The following NELL1 variants were observed in gnomAD, a reference collection of about 807,000 sequenced individuals.
NELL1 encodes the protein protein kinase C-binding protein NELL1.
NELL1 carries 76 observed loss-of-function variants against 107.4 expected under a neutral mutation model. The observed-to-expected ratio is 0.71, with a 90% confidence interval of 0.59 to 0.86. The LOEUF is 0.86. Ranked by LOEUF, NELL1 falls within the 40% of genes least tolerant of loss-of-function variation. The pLI is 0.00. For missense variants in NELL1, 1,024 were observed against 1,005.5 expected (o/e 1.02, Z -0.25); for synonymous variants, 353 against 341.2 (o/e 1.03, Z -0.38).
At chr11:20,927,270 G>A (rs1395573357) in intron 7 of NELL1, 38 bp from the exon 8 acceptor site, 7 of 1,577,400 alleles carry the variant, frequency 4.4e-6, no homozygotes, top group Non-Finnish European at 6.0e-6. Context: ...TGATGCAATT[G>A]AATTACAGAA....
chr11:20,741,296 A>T (rs955849), intron 2 of NELL1, among the ~76,000 whole-genome samples: 96,549 of 151,754 alleles, frequency 0.64, 30,932 homozygotes, highest in Middle Eastern at 0.75. Flanking sequence ...AATACAGACC[A>T]TTTAGCTTTC....
At chr11:20,814,140 C>G (rs574168289) in intron 3 of NELL1, among the ~76,000 whole-genome samples, 9 of 151,660 alleles carry the variant, frequency 5.9e-5, no homozygotes, top group East Asian at 1.9e-4. Context: ...GGACTACAGG[C>G]GCACACCGCC....
chr11:21,041,309 G>A (rs10833434), intron 12 of NELL1, among the ~76,000 whole-genome samples: 33,295 of 152,098 alleles, frequency 0.22, 3,605 homozygotes, highest in South Asian at 0.34. Context: ...ACACAACATA[G>A]TTAATTGTTA....
At chr11:21,270,588 A>G (rs1296545535) in intron 14 of NELL1, among the ~76,000 whole-genome samples, 1 of 152,136 alleles carries the variant, frequency 6.6e-6, no homozygotes, top group Non-Finnish European at 1.5e-5. Flanking sequence ...ATAGTTTGAC[A>G]ATTAGACACT....
chr11:21,370,706 T>C, intron 14 of NELL1, 147 bp from the exon 15 acceptor site: 1 of 599,546 alleles, frequency 1.7e-6, no homozygotes, highest in Non-Finnish European at 2.9e-6. Context: ...CATTTATTTC[T>C]TTTTCTGTAT....
chr11:21,425,371 CT>C (rs1275070661), intron 15 of NELL1, among the ~76,000 whole-genome samples: 1 of 152,110 alleles, frequency 6.6e-6, no homozygotes, highest in African/African-American at 2.4e-5. Context: ...CCCAAATGTC[CT>C]CAAACCTGTG....
intron 1 of NELL1, among the ~76,000 whole-genome samples, chr11:20,673,841 C>T (rs1283631833): frequency 1.6e-5 from 2 of 121,832 alleles, no homozygotes; most frequent in Non-Finnish European, 3.3e-5. Flanking sequence ...AGAAACAATA[C>T]ATTTTTTTTT....
intron 2 of NELL1, among the ~76,000 whole-genome samples, chr11:20,723,422 C>A (rs1344056116): frequency 1.3e-5 from 2 of 152,286 alleles, no homozygotes; most frequent in African/African-American, 4.8e-5. Context: ...GGGCCACAGG[C>A]CTCCTCCAAG....
At chr11:21,535,223 A>G (rs1223466102) in intron 16 of NELL1, among the ~76,000 whole-genome samples, 1 of 152,072 alleles carries the variant, frequency 6.6e-6, no homozygotes, top group Non-Finnish European at 1.5e-5. Context: ...ATGAAATCCG[A>G]ACAACTGATC....
chr11:21,503,788 A>G (rs1314671317), intron 15 of NELL1, among the ~76,000 whole-genome samples: 1 of 152,030 alleles, frequency 6.6e-6, no homozygotes, highest in Non-Finnish European at 1.5e-5. Context: ...CTGAGTCTCC[A>G]TATACTATTC....
Position 20,766,445 on chromosome 11 carries a change from C to A in NELL1, c.185-17235C>A, listed in dbSNP as rs141253822. ...GGCGTGGCAAGGTTTTCCCCACCAA[C>A]TGGCTTTTAGCCACATATTTTATGT... On this transcript the variant is annotated intron_variant, in intron 2 of 19. Transcript: ENST00000357134. Among the ~76,000 whole-genome samples, 25 of 152,320 alleles carry A rather than the reference C, an allele frequency of 1.6e-4. No homozygotes were observed. The East Asian group carries it at 4.4e-3, about 27-fold the overall frequency.
intron 15 of NELL1, among the ~76,000 whole-genome samples, chr11:21,463,918 C>A (rs1386386147): frequency 6.6e-6 from 1 of 152,072 alleles, no homozygotes. Context: ...TTTACTAACA[C>A]ATCTGAAAAC....
intron 2 of NELL1, among the ~76,000 whole-genome samples, chr11:20,716,883 T>A (rs914373804): frequency 2.6e-5 from 4 of 151,952 alleles, no homozygotes; most frequent in Non-Finnish European, 5.9e-5. Context: ...TGTTGCCTTA[T>A]GCGGTTTACA....
Position 20,705,407 on chromosome 11 carries a change from G to A in NELL1, c.184+27347G>A, listed in dbSNP as rs1166681134. 9.9e-3 allele frequency among the ~76,000 whole-genome samples: 1,505 copies of A among 151,644 alleles called. 24 individuals carry two copies. The highest frequency in any genetic ancestry group is 0.031 in the African/African-American group (1,265 of 41,120). ...TTTGACAAACCTGACAAAAACAAGCGATGGGGAAAGGATTCCCTATTTAAT... is the reference window on the plus strand; with the variant it reads ...TTTGACAAACCTGACAAAAACAAGCAATGGGGAAAGGATTCCCTATTTAAT... On this transcript the variant is annotated intron_variant, in intron 2 of 19. Transcript: ENST00000357134.
intron 3 of NELL1, among the ~76,000 whole-genome samples, chr11:20,797,422 T>C (rs1464029501): frequency 6.6e-6 from 1 of 151,402 alleles, no homozygotes; most frequent in African/African-American, 2.4e-5. Flanking sequence ...AAAAATTAGG[T>C]GGGCGTGGTG....
At chr11:21,541,006 A>G (rs1856279506) in intron 16 of NELL1, among the ~76,000 whole-genome samples, 1 of 152,122 alleles carries the variant, frequency 6.6e-6, no homozygotes, top group Non-Finnish European at 1.5e-5. Context: ...CCATTCTTTT[A>G]TAGACTTTAG....
intron 12 of NELL1, among the ~76,000 whole-genome samples, chr11:21,008,132 A>G (rs1234363957): frequency 6.6e-6 from 1 of 152,158 alleles, no homozygotes; most frequent in African/African-American, 2.4e-5. Flanking sequence ...TACAATAATT[A>G]TATCTCTGAA....
At chr11:21,485,895 C>A (rs1022079505) in intron 15 of NELL1, among the ~76,000 whole-genome samples, 2 of 152,026 alleles carry the variant, frequency 1.3e-5, no homozygotes, top group African/African-American at 4.8e-5. Flanking sequence ...ACACTTTTCC[C>A]AGGGTTTGAG....
intron 14 of NELL1, among the ~76,000 whole-genome samples, chr11:21,250,188 A>T (rs1454201834): frequency 2.6e-5 from 4 of 152,168 alleles, no homozygotes; most frequent in African/African-American, 7.2e-5. Context: ...TTCAGATCCT[A>T]CTCAAAAAGC....
Sources: allele counts gnomAD v4.1 joint callset (sites outside exome capture counted in the v4.1 genomes callset), GRCh38; gene constraint gnomAD v4.1.1; transcripts MANE v1.5; gene names NCBI Gene and HGNC (gene_info 2026-07-23, HGNC 2026-07-21).